The following KHSRP variants were observed in gnomAD, a reference collection of about 807,000 sequenced individuals.
The protein encoded by KHSRP is KH-type splicing regulatory protein.
Under a neutral mutation model 94.9 loss-of-function variants are expected in KHSRP, and 13 were observed. The observed-to-expected ratio is 0.14, with a 90% CI of 0.09 to 0.22. KHSRP has a LOEUF of 0.22. Among genes scored for constraint, KHSRP ranks in the 10% least tolerant of loss-of-function variants. The pLI, the probability that KHSRP is intolerant of heterozygous loss-of-function variation, is 1.00. For missense variants in KHSRP, 710 were observed against 1,010.0 expected (o/e 0.70, Z 4.03); for synonymous variants, 495 against 401.4 (o/e 1.23, Z -2.79).
In KHSRP at chr19:6,414,000, A is replaced by G. The variant is rs1039471623; in HGVS notation, c.*1024T>C. On this transcript the variant is annotated 3_prime_UTR_variant, in exon 19 of 19. Coordinates refer to ENST00000600480, the MANE Select transcript of KHSRP (RefSeq NM_001366299.1). ...CTGCTTGCCGCGAGGGCTCCCCAGT[A>G]CTCCCCACGGCAGCCATCGCTCTCT... 3.7e-5 allele frequency: 53 copies of G among 1,413,702 alleles called. No homozygotes were observed. Among genetic ancestry groups the G allele is most frequent in the Non-Finnish European group, 4.9e-5 (52 of 1,060,832 alleles). 87.6% of individuals were successfully genotyped at this position (1,413,702 alleles called of 1,614,324 possible). A position where few individuals can be genotyped will look rare whatever the true frequency, so the allele number is the denominator to read the frequency against.
Position 6,415,279 on chromosome 19 carries a change from A to C in KHSRP, c.1989T>G (p.Gly663=), listed in dbSNP as rs763676259. Residue 663 remains glycine, a synonymous_variant, in exon 19 of 19, where the codon GGT becomes GGG. Coordinates refer to ENST00000600480, the MANE Select transcript of KHSRP (RefSeq NM_001366299.1). ...GCTGGGAGCCTGGGGGAGCTCCTGG[A>C]CCCCCTCCGGTGGCCACTTGCGCTG... ...KKQAQVATGG[G]PGAPPGSQPD... The C allele has an allele frequency of 6.2e-7, 1 of 1,612,742 alleles. No individual in the cohort carries two copies. The highest frequency in any genetic ancestry group is 8.5e-7 in the Non-Finnish European group (1 of 1,179,764).
Position 6,421,707 on chromosome 19 carries a change from G to C in KHSRP, c.347-19C>G. Reference sequence around the variant, plus strand: ...GGTTGATCTGGGAAAGAGAGAGGATGGCAGATGCAGCACCCACCCACCCAC... The same window carrying C: ...GGTTGATCTGGGAAAGAGAGAGGATCGCAGATGCAGCACCCACCCACCCAC... On this transcript the variant is annotated intron_variant, in intron 2 of 18. Transcript: ENST00000600480. 1 of 1,613,818 alleles carries C rather than the reference G, an allele frequency of 6.2e-7. No individual in the cohort carries two copies.
intron 6 of KHSRP, among the ~76,000 whole-genome samples, 164 bp downstream of exon 6, chr19:6,419,909 G>GTGAGA (rs1279385140): frequency 6.6e-6 from 1 of 152,262 alleles, no homozygotes; most frequent in East Asian, 1.9e-4. Flanking sequence ...CCCGTGGGCA[G>GTGAGA]TACTAGTGGA....
At position 6,418,298 on chromosome 19, in the gene KHSRP, TCA is replaced by T. The variant is rs1447181868; in HGVS notation, c.879+183_879+184del. Reference sequence around the variant, plus strand: ...GAAGGTCAGAGGTGAGGCCGGTGCCTCACACACACAAAGCTGGGAGTCAGTTC... The same window carrying T: ...GAAGGTCAGAGGTGAGGCCGGTGCCTCACACACAAAGCTGGGAGTCAGTTC... On this transcript the variant is annotated intron_variant, in intron 9 of 18. Transcript: ENST00000600480. The surrounding 1 kb of genome is among the most constrained non-coding windows in gnomAD (Gnocchi z 4.3). Among the ~76,000 whole-genome samples, 1 of 152,048 alleles carries T rather than the reference TCA, an allele frequency of 6.6e-6. No homozygotes were observed. Among genetic ancestry groups the T allele is most frequent in the Non-Finnish European group, 1.5e-5 (1 of 68,002 alleles).
intron 12 of KHSRP, 42 bp downstream of exon 12, chr19:6,416,945 C>G: frequency 6.2e-7 from 1 of 1,613,464 alleles, no homozygotes; most frequent in Non-Finnish European, 8.5e-7. Context: ...TTGCACTCCC[C>G]TGGAGGCCCT....
At position 6,415,649 on chromosome 19, in the gene KHSRP, G is replaced by C. The variant is rs1414570161; in HGVS notation, c.1773C>G (p.Val591=). 6.5e-7 allele frequency: 1 copy of C among 1,537,668 alleles called. No individual in the cohort carries two copies. The highest frequency in any genetic ancestry group is 8.7e-7 in the Non-Finnish European group (1 of 1,143,270). Reference sequence around the variant, plus strand: ...CCGCAGGGGCCGGTGCGGGGCCGGGGACGGGGCCCGGGGGCTGCTGGTAGT... The same window carrying C: ...CCGCAGGGGCCGGTGCGGGGCCGGGCACGGGGCCCGGGGGCTGCTGGTAGT... ...SHYYQQPPGP[V]PGPAPAPAAP... is the part of the protein sequence containing the mutation. Residue 591 remains valine (V), a synonymous_variant, in exon 17 of 19, where the codon GTC becomes GTG. Coordinates refer to ENST00000600480, the MANE Select transcript of KHSRP (RefSeq NM_001366299.1).
intron 3 of KHSRP, 132 bp downstream of exon 3, chr19:6,421,518 G>A (rs75599457): frequency 0.014 from 15,551 of 1,123,528 alleles, 178 homozygotes; most frequent in South Asian, 0.028. Flanking sequence ...TCCCTCAAAC[G>A]TATGGGCCCC....
intron 5 of KHSRP, 131 bp from the exon 6 acceptor site, chr19:6,420,275 C>T: frequency 8.7e-7 from 1 of 1,153,908 alleles, no homozygotes. Context: ...GAGCTCCTGT[C>T]CTCTGCCCAG....
rs2092132264 is a variant in KHSRP, at chr19:6,414,968, T to A, written c.*56A>T. 1.4e-6 allele frequency: 2 copies of A among 1,435,634 alleles called. No individual in the cohort carries two copies. Among genetic ancestry groups the A allele is most frequent in the Non-Finnish European group, 1.8e-6 (2 of 1,100,488 alleles). The allele number at this position is 1,435,634 out of a possible 1,614,324, so 88.9% of individuals were successfully genotyped here. ...CCTCTGGACCCAGCGAATGCTTCCCTGGCGGTGCGTGGGGACTCCCGGAGA... is the reference window on the plus strand; with the variant it reads ...CCTCTGGACCCAGCGAATGCTTCCCAGGCGGTGCGTGGGGACTCCCGGAGA... On this transcript the variant is annotated 3_prime_UTR_variant, in exon 19 of 19. Coordinates refer to ENST00000600480, the MANE Select transcript of KHSRP (RefSeq NM_001366299.1).
At position 6,414,343 on chromosome 19, in the gene KHSRP, G is replaced by A. The variant is rs2092125047; in HGVS notation, c.*681C>T. The A allele has an allele frequency of 7.2e-7, 1 of 1,388,892 alleles. No individual in the cohort carries two copies. The highest frequency in any genetic ancestry group is 9.4e-7 in the Non-Finnish European group (1 of 1,066,824). 86.0% of individuals were successfully genotyped at this position (1,388,892 alleles called of 1,614,324 possible). A position where few individuals can be genotyped will look rare whatever the true frequency, so the allele number is the denominator to read the frequency against. The stretch of plus-strand genomic sequence containing the variant: ...GCTCCCTGATGGAGAAGGAGGGACA[G>A]AGCAGGAAGAGAGGAGAGGGGCCGC... On this transcript the variant is annotated 3_prime_UTR_variant, in exon 19 of 19. Coordinates refer to ENST00000600480, the MANE Select transcript of KHSRP (RefSeq NM_001366299.1).
rs1296919311 is a variant in KHSRP at position 6,415,520 on chromosome 19, C to G, written c.1888+14G>C. 6.5e-7 allele frequency: 1 copy of G among 1,546,462 alleles called. No individual in the cohort carries two copies. Among genetic ancestry groups the G allele is most frequent in the Non-Finnish European group, 8.7e-7 (1 of 1,144,792 alleles). ...CGGCAGGGCTGGAGCCCCCCCGCCA[C>G]CCTGCAGACTCACCGATCTTTTTGT... On this transcript the variant is annotated intron_variant, in intron 17 of 18. Coordinates refer to ENST00000600480, the MANE Select transcript of KHSRP (RefSeq NM_001366299.1).
intron 2 of KHSRP, 94 bp from the exon 3 acceptor site, chr19:6,421,782 C>G: frequency 7.0e-7 from 1 of 1,428,030 alleles, no homozygotes; most frequent in Non-Finnish European, 9.9e-7. Context: ...TAAACAGTGC[C>G]CCTCGGCCCC....
chr19:6,415,271 G>A lies in KHSRP; in HGVS notation c.1997C>T (p.Ala666Val), dbSNP rs2092134766. Residue 666 changes from alanine (A) to valine (V), a missense_variant, in exon 19 of 19, where the codon GCT (alanine) becomes GTT (valine). Around this residue, in one of 5 missense-constraint regions of KHSRP, gnomAD observed 292 missense variants for 340.5 expected, o/e 0.86. Transcript: ENST00000600480. Reference protein sequence around the residue: ...AQVATGGGPGAPPGSQPDYSA... With the variant: ...AQVATGGGPGVPPGSQPDYSA... ...GTAGTCTGGCTGGGAGCCTGGGGGA[G>A]CTCCTGGACCCCCTCCGGTGGCCAC... The A allele has an allele frequency of 6.2e-7, 1 of 1,612,968 alleles. No homozygotes were observed. The highest frequency in any genetic ancestry group is 2.2e-5 in the East Asian group (1 of 44,880).
intron 15 of KHSRP, 147 bp from the exon 16 acceptor site, chr19:6,416,043 G>A: frequency 3.1e-6 from 2 of 653,014 alleles, no homozygotes; most frequent in South Asian, 2.1e-5. Flanking sequence ...GCCTAGACAA[G>A]AAGCAACTCG....
Position 6,415,244 on chromosome 19 carries a change from C to T in KHSRP, c.2024G>A (p.Ser675Asn), listed in dbSNP as rs2092134598. ...GAPPGSQPDY[S>N]AAWAEYYRQQ... ...TCTGTAATATTCCGCCCAGGCGGCA[C>T]TGTAGTCTGGCTGGGAGCCTGGGGG... is the stretch of plus-strand genomic sequence containing the variant. The change falls in exon 19 of 19, where the codon AGT (serine) becomes AAT (asparagine). Residue 675 changes from serine (S) to asparagine (N), a missense_variant. Around this residue, in one of 5 missense-constraint regions of KHSRP, gnomAD observed 292 missense variants for 340.5 expected, o/e 0.86. Coordinates refer to ENST00000600480, the MANE Select transcript of KHSRP (RefSeq NM_001366299.1). 1 of 1,612,878 alleles carries T rather than the reference C, an allele frequency of 6.2e-7. No homozygotes were observed. The highest frequency in any genetic ancestry group is 8.5e-7 in the Non-Finnish European group (1 of 1,179,832).
chr19:6,418,169 C>T lies in KHSRP; in HGVS notation c.880-90G>A. ...CGGGGGTGCGGGCCTCAACTAAGGA[C>T]CCACGAACCCTGGGTGAGCCCAGCA... On this transcript the variant is annotated intron_variant, in intron 9 of 18. Transcript: ENST00000600480. This position sits in a 1 kb window ranked among gnomAD's most constrained non-coding sequence, Gnocchi z 4.3. 8.8e-7 allele frequency: 1 copy of T among 1,132,494 alleles called. No homozygotes were observed. The highest frequency in any genetic ancestry group is 1.3e-6 in the Non-Finnish European group (1 of 761,324). The allele number at this position is 1,132,494 out of a possible 1,614,324, so 70.2% of individuals were successfully genotyped here. A position where few individuals can be genotyped will look rare whatever the true frequency, so the allele number is the denominator to read the frequency against.
At position 6,414,568 on chromosome 19, in the gene KHSRP, G is replaced by A; in HGVS notation, c.*456C>T. ...GACACAGGCAAGCGCGAGCGCATGG[G>A]AGGCTGAGCCCGGCGGGGCAGGGGC... On this transcript the variant is annotated 3_prime_UTR_variant, in exon 19 of 19. Coordinates refer to ENST00000600480, the MANE Select transcript of KHSRP (RefSeq NM_001366299.1). 1 of 1,019,530 alleles carries A rather than the reference G, an allele frequency of 9.8e-7. No homozygotes were observed. Among genetic ancestry groups the A allele is most frequent in the South Asian group, 4.3e-5 (1 of 23,194 alleles). The allele number at this position is 1,019,530 out of a possible 1,614,324, so 63.2% of individuals were successfully genotyped here. A position where few individuals can be genotyped will look rare whatever the true frequency, so the allele number is the denominator to read the frequency against.
Position 6,424,622 on chromosome 19 carries a change from C to G in KHSRP, c.80G>C (p.Gly27Ala). 1.0e-6 allele frequency: 1 copy of G among 974,006 alleles called. No individual in the cohort carries two copies. The highest frequency in any genetic ancestry group is 4.6e-5 in the South Asian group (1 of 21,774). 60.3% of individuals were successfully genotyped at this position (974,006 alleles called of 1,614,324 possible). A position where few individuals can be genotyped will look rare whatever the true frequency, so the allele number is the denominator to read the frequency against. The change falls in exon 1 of 19, where the codon GGG (glycine) becomes GCG (alanine). Residue 27 changes from glycine (G) to alanine (A), a missense_variant. By Grantham distance (60) the Gly-to-Ala change is moderately conservative. Transcript: ENST00000600480. ...AGGGGGAGGA[G>A]GGPPPGPPGA... ...TGGCGGGCCCGGCGGAGGGCCTCCC[C>G]CGGCGCCTCCGGCTCCCCCGCCCCC...
intron 15 of KHSRP, 147 bp from the exon 16 acceptor site, chr19:6,416,043 G>T (rs2092143225): frequency 1.5e-6 from 1 of 653,014 alleles, no homozygotes; most frequent in Non-Finnish European, 2.6e-6. Flanking sequence ...GCCTAGACAA[G>T]AAGCAACTCG....
Sources: gnomAD v4.1 joint callset for allele counts (sites outside exome capture counted in the v4.1 genomes callset) on GRCh38, gnomAD v4.1.1 for gene constraint, gnomAD v4.1.1 regional missense constraint, Gnocchi (gnomAD v3.1) non-coding constraint, MANE v1.5 for transcripts, NCBI Gene and HGNC (gene_info 2026-07-23, HGNC 2026-07-21) for gene names.